The following ZNF142 variants were observed in gnomAD, a reference collection of about 807,000 sequenced individuals.
ZNF142 encodes the protein zinc finger protein 142, also known as zinc finger protein 142 (clone pHZ-49).
A neutral mutation model predicts 132.1 loss-of-function variants in ZNF142; 96 were observed. That is an observed-to-expected ratio of 0.73 (90% CI 0.62 to 0.86). The LOEUF is 0.86. Ranked by LOEUF, ZNF142 falls within the 40% of genes least tolerant of loss-of-function variation. ZNF142 has a pLI of 0.00. For missense variants in ZNF142, 2,163 were observed against 2,336.2 expected (o/e 0.93, Z 1.53); for synonymous variants, 842 against 890.1 (o/e 0.95, Z 0.96).
chr2:218,644,907 G>A lies in ZNF142; in HGVS notation c.2209C>T (p.Pro737Ser). 6.2e-7 allele frequency: 1 copy of A among 1,614,058 alleles called. No homozygotes were observed. Among genetic ancestry groups the A allele is most frequent in the Non-Finnish European group, 8.5e-7 (1 of 1,179,946 alleles). Reference protein sequence around the residue: ...LQKHMASQHHPGTPAPLYPCH... With the variant: ...LQKHMASQHHSGTPAPLYPCH... Reference sequence around the variant, plus strand: ...GGGTAGAGTGGGGCCGGTGTGCCAGGGTGGTGCTGGGAAGCCATGTGCTTC... The same window carrying A: ...GGGTAGAGTGGGGCCGGTGTGCCAGAGTGGTGCTGGGAAGCCATGTGCTTC... Residue 737 changes from proline (P) to serine (S), a missense_variant, in exon 9 of 11, where the codon CCT (proline) becomes TCT (serine). By Grantham distance (74) the Pro-to-Ser change is moderately conservative. Around this residue, in one of 7 missense-constraint regions of ZNF142, gnomAD observed 749 missense variants for 830.3 expected, o/e 0.90. Transcript: ENST00000411696. The surrounding 1 kb of genome is among the most constrained non-coding windows in gnomAD (Gnocchi z 4.6).
intron 8 of ZNF142, 33 bp from the exon 9 acceptor site, chr2:218,645,097 A>T (rs777943486): frequency 6.3e-7 from 1 of 1,594,266 alleles, no homozygotes; most frequent in Non-Finnish European, 8.6e-7. Flanking sequence ...GGCAATCACA[A>T]TAATTAATCA....
At chr2:218,648,582 G>C in intron 7 of ZNF142, 53 bp downstream of exon 7, 11 of 1,544,716 alleles carry the variant, frequency 7.1e-6, no homozygotes, top group Non-Finnish European at 8.8e-6. Flanking sequence ...TTTGTAGCCA[G>C]TATCACCACC....
chr2:218,633,561 G>A lies in ZNF142; in HGVS notation c.*4778C>T, dbSNP rs1310746592. The A allele has an allele frequency of 6.3e-7, 1 of 1,593,820 alleles. No homozygotes were observed. The highest frequency in any genetic ancestry group is 1.3e-5 in the African/African-American group (1 of 74,382). ...ATGGCCATTATCTTCTTCTCTCTCAGACTGCTGAGGGTTCAATTCCATCTT... is the reference window on the plus strand; with the variant it reads ...ATGGCCATTATCTTCTTCTCTCTCAAACTGCTGAGGGTTCAATTCCATCTT... On this transcript the variant is annotated 3_prime_UTR_variant, in exon 11 of 11. Coordinates refer to ENST00000411696, the MANE Select transcript of ZNF142 (RefSeq NM_001379659.1).
chr2:218,651,880 A>C lies in ZNF142; in HGVS notation c.701T>G (p.Phe234Cys). The change falls in exon 5 of 11, where the codon TTC becomes TGC. Residue 234 changes from phenylalanine to cysteine, a missense_variant. Physicochemically the swap from Phe to Cys is radical, Grantham distance 205. Around this residue, in one of 7 missense-constraint regions of ZNF142, gnomAD observed 63 missense variants for 104.1 expected, o/e 0.61. Coordinates refer to ENST00000411696, the MANE Select transcript of ZNF142 (RefSeq NM_001379659.1). Reference sequence around the variant, plus strand: ...CAGCTCCATGCCCTGCTGGCTCCCGAAAAGCAGGGGGCAGCCCCGGAAAGA... The same window carrying C: ...CAGCTCCATGCCCTGCTGGCTCCCGCAAAGCAGGGGGCAGCCCCGGAAAGA... ...PCSFRGCPLL[F>C]GSQQGMELHR... The C allele has an allele frequency of 7.8e-7, 1 of 1,289,752 alleles. No homozygotes were observed. The highest frequency in any genetic ancestry group is 1.0e-6 in the Non-Finnish European group (1 of 988,744). 79.9% of individuals were successfully genotyped at this position (1,289,752 alleles called of 1,614,324 possible). A position where few individuals can be genotyped will look rare whatever the true frequency, so the allele number is the denominator to read the frequency against.
At position 218,634,554 on chromosome 2, in the gene ZNF142, TC is replaced by T; in HGVS notation, c.*3784del. ...TGTGGCTATGTGCTGAAGCCAGACT[TC>T]CTGCGTGATATCCAGAGTTCTTTCC... is the stretch of plus-strand genomic sequence containing the variant. On this transcript the variant is annotated 3_prime_UTR_variant, in exon 11 of 11. Coordinates refer to ENST00000411696, the MANE Select transcript of ZNF142 (RefSeq NM_001379659.1). The surrounding 1 kb of genome is among the most constrained non-coding windows in gnomAD (Gnocchi z 4.0). 1.9e-6 allele frequency: 3 copies of T among 1,614,048 alleles called. No homozygotes were observed. Among genetic ancestry groups the T allele is most frequent in the Non-Finnish European group, 2.5e-6 (3 of 1,179,904 alleles).
At position 218,656,478 on chromosome 2, in the gene ZNF142, A is replaced by G. The variant is rs1426362358; in HGVS notation, c.-34-15T>C. ...CTTCTTAAATGCTGACAAGCCAACCAGAAGAAAAACAAAGTAAGGTTAGAG... is the reference window on the plus strand; with the variant it reads ...CTTCTTAAATGCTGACAAGCCAACCGGAAGAAAAACAAAGTAAGGTTAGAG... On this transcript the variant is annotated splice_polypyrimidine_tract_variant and intron_variant, in intron 3 of 10. Transcript: ENST00000411696. The G allele has an allele frequency of 7.0e-7, 1 of 1,423,946 alleles. No individual in the cohort carries two copies. Among genetic ancestry groups the G allele is most frequent in the Non-Finnish European group, 9.2e-7 (1 of 1,081,850 alleles). The allele number at this position is 1,423,946 out of a possible 1,614,324, so 88.2% of individuals were successfully genotyped here.
chr2:218,656,550 C>T (rs1425780943), intron 3 of ZNF142, 87 bp from the exon 4 acceptor site: 3 of 929,736 alleles, frequency 3.2e-6, no homozygotes, highest in Non-Finnish European at 2.9e-6. Flanking sequence ...CCAGTGCCCA[C>T]CCACTTAGGC....
chr2:218,634,361 T>G lies in ZNF142; in HGVS notation c.*3978A>C. 1 of 1,572,082 alleles carries G rather than the reference T, an allele frequency of 6.4e-7. No homozygotes were observed. The highest frequency in any genetic ancestry group is 8.7e-7 in the Non-Finnish European group (1 of 1,155,734). On this transcript the variant is annotated 3_prime_UTR_variant, in exon 11 of 11. Coordinates refer to ENST00000411696, the MANE Select transcript of ZNF142 (RefSeq NM_001379659.1). This position sits in a 1 kb window ranked among gnomAD's most constrained non-coding sequence, Gnocchi z 4.0. ...GCTATCAGTGGATATTACCAGCAGG[T>G]ACCGTGCACCCAGTACCTATCTTCT...
At position 218,635,990 on chromosome 2, in the gene ZNF142, G is replaced by T; in HGVS notation, c.*2349C>A. 1 of 1,610,864 alleles carries T rather than the reference G, an allele frequency of 6.2e-7. No homozygotes were observed. Among genetic ancestry groups the T allele is most frequent in the Non-Finnish European group, 8.5e-7 (1 of 1,177,862 alleles). ...AGGAGCATGATTAGTTTTCCTTCTA[G>T]TCTGTCTTCCATTAAGTATAGCATC... On this transcript the variant is annotated 3_prime_UTR_variant, in exon 11 of 11. Transcript: ENST00000411696.
At position 218,644,017 on chromosome 2, in the gene ZNF142, C is replaced by T. The variant is rs1697506977; in HGVS notation, c.3099G>A (p.Gly1033=). 2.5e-6 allele frequency: 4 copies of T among 1,614,108 alleles called. No homozygotes were observed. In the African/African-American group the frequency reaches 5.3e-5, roughly 22 times the overall value. ...RVQMVVIQGE[G]RAFRCPHCPF... is the part of the protein sequence containing the mutation. Reference sequence around the variant, plus strand: ...GGCAGTGTGGGCAGCGGAAGGCTCGCCCCTCTCCCTGGATCACTACCATCT... The same window carrying T: ...GGCAGTGTGGGCAGCGGAAGGCTCGTCCCTCTCCCTGGATCACTACCATCT... The change falls in exon 9 of 11, where the codon GGG becomes GGA. Residue 1033 remains glycine (G), a synonymous_variant. Transcript: ENST00000411696. The surrounding 1 kb of genome is among the most constrained non-coding windows in gnomAD (Gnocchi z 4.6).
intron 8 of ZNF142, 72 bp downstream of exon 8, chr2:218,646,099 G>C: frequency 3.8e-6 from 6 of 1,562,168 alleles, no homozygotes; most frequent in Non-Finnish European, 5.2e-6. Context: ...AGGGCCAGAA[G>C]TTAGATCCGA....
Position 218,638,460 on chromosome 2 carries a change from G to A in ZNF142, c.5543C>T (p.Ala1848Val), listed in dbSNP as rs745358698. ...KHVRRHHPDQADPNQGVGKDP... is the reference protein window; with the variant it reads ...KHVRRHHPDQVDPNQGVGKDP... ...TTTGCCCACACCCTGGTTTGGGTCG[G>A]CTTGGTCAGGGTGGTGCCTGCGTAC... Residue 1848 changes from alanine to valine, a missense_variant, in exon 11 of 11, where the codon GCC becomes GTC. Ala to Val is a moderately conservative substitution (Grantham distance 64). Coordinates refer to ENST00000411696, the MANE Select transcript of ZNF142 (RefSeq NM_001379659.1). 6.3e-7 allele frequency: 1 copy of A among 1,585,880 alleles called. No homozygotes were observed. The highest frequency in any genetic ancestry group is 1.7e-5 in the Admixed American group (1 of 58,540).
chr2:218,642,423 T>C lies in ZNF142; in HGVS notation c.4693A>G (p.Ser1565Gly). The change falls in exon 9 of 11, where the codon AGC becomes GGC. Residue 1565 changes from serine (S) to glycine (G), a missense_variant. Coordinates refer to ENST00000411696, the MANE Select transcript of ZNF142 (RefSeq NM_001379659.1). This position sits in a 1 kb window ranked among gnomAD's most constrained non-coding sequence, Gnocchi z 4.6. ...ECGACQEAFP[S>G]RLALDEHRRQ... ...CGGTGCTCATCCAGAGCCAGTCGGC[T>C]AGGGAAGGCCTCCTGGCAGGCCCCA... is the stretch of plus-strand genomic sequence containing the variant. 1 of 1,613,114 alleles carries C rather than the reference T, an allele frequency of 6.2e-7. No individual in the cohort carries two copies. Among genetic ancestry groups the C allele is most frequent in the South Asian group, 1.1e-5 (1 of 91,078 alleles).
intron 4 of ZNF142, among the ~76,000 whole-genome samples, chr2:218,653,113 T>C (rs1938162680): frequency 6.6e-6 from 1 of 152,060 alleles, no homozygotes; most frequent in African/African-American, 2.4e-5. Context: ...AACCCGTCTC[T>C]ACTAAAAATA....
chr2:218,656,536 C>A, intron 3 of ZNF142, 73 bp from the exon 4 acceptor site: 1 of 1,154,552 alleles, frequency 8.7e-7, no homozygotes, highest in Non-Finnish European at 1.1e-6. Context: ...CGTGGGTACA[C>A]AGCCCAGTGC....
rs1236356361 is a variant in ZNF142 at position 218,634,993 on chromosome 2, G to A, written c.*3346C>T. On this transcript the variant is annotated 3_prime_UTR_variant, in exon 11 of 11. Coordinates refer to ENST00000411696, the MANE Select transcript of ZNF142 (RefSeq NM_001379659.1). This position sits in a 1 kb window ranked among gnomAD's most constrained non-coding sequence, Gnocchi z 4.0. ...GATAGCTTACACCTGTAATCCCAGC[G>A]CTTTGGAGGCCAAGGCAGGAGGACT... is the stretch of plus-strand genomic sequence containing the variant. Among the ~76,000 whole-genome samples the A allele has an allele frequency of 2.0e-5, 3 of 152,110 alleles. No homozygotes were observed. The highest frequency in any genetic ancestry group is 2.9e-5 in the Non-Finnish European group (2 of 68,010).
Position 218,649,822 on chromosome 2 carries a change from A to C in ZNF142, c.1049-363T>G, listed in dbSNP as rs530338563. ...AGCATCGGCAAGATTAGTTAGAAGG[A>C]AAAGAGCCCCCAAGGGGGTGAGCCA... On this transcript the variant is annotated intron_variant, in intron 6 of 10. Transcript: ENST00000411696. Among the ~76,000 whole-genome samples, 4 of 152,342 alleles carry C rather than the reference A, an allele frequency of 2.6e-5. No individual in the cohort carries two copies. The South Asian group carries it at 8.3e-4, about 32-fold the overall frequency.
Position 218,634,453 on chromosome 2 carries a change from C to T in ZNF142, c.*3886G>A. 1 of 1,609,816 alleles carries T rather than the reference C, an allele frequency of 6.2e-7. No homozygotes were observed. Among genetic ancestry groups the T allele is most frequent in the South Asian group, 1.1e-5 (1 of 90,482 alleles). On this transcript the variant is annotated 3_prime_UTR_variant, in exon 11 of 11. Transcript: ENST00000411696. This position sits in a 1 kb window ranked among gnomAD's most constrained non-coding sequence, Gnocchi z 4.0. Reference sequence around the variant, plus strand: ...CTTGCTCTTCTTTTCTCCTGGGGCCCTCAGTGGCCATGAATATGCAGACTG... The same window carrying T: ...CTTGCTCTTCTTTTCTCCTGGGGCCTTCAGTGGCCATGAATATGCAGACTG...
At chr2:218,657,050 T>G (rs1938579437) in intron 3 of ZNF142, among the ~76,000 whole-genome samples, 1 of 152,186 alleles carries the variant, frequency 6.6e-6, no homozygotes, top group Admixed American at 6.5e-5. Context: ...ACTTCTGACC[T>G]TGGGTGATCT....
Sources: gnomAD v4.1 joint callset for allele counts (sites outside exome capture counted in the v4.1 genomes callset) on GRCh38, gnomAD v4.1.1 for gene constraint, gnomAD v4.1.1 regional missense constraint, Gnocchi (gnomAD v3.1) non-coding constraint, MANE v1.5 for transcripts, NCBI Gene and HGNC (gene_info 2026-07-23, HGNC 2026-07-21) for gene names.